Variants in MAGI2 observed in about 807,000 individuals in gnomAD.
The protein encoded by MAGI2 is membrane-associated guanylate kinase, WW and PDZ domain-containing protein 2.
A neutral mutation model predicts 133.3 loss-of-function variants in MAGI2; 35 were observed. The ratio of observed to expected loss-of-function variants is 0.26; its 90% CI spans 0.20 to 0.35. The LOEUF is 0.35. Ranked by LOEUF, MAGI2 falls within the 10% of genes least tolerant of loss-of-function variation. The pLI, the probability that MAGI2 is intolerant of heterozygous loss-of-function variation, is 1.00. For synonymous variants in MAGI2, 729 were observed against 710.6 expected (o/e 1.03, Z -0.41); for missense variants, 1,636 against 1,863.4 (o/e 0.88, Z 2.25).
Position 79,161,397 on chromosome 7 carries a change from G to T in MAGI2, c.302-154191C>A, listed in dbSNP as rs1017391373. Among the ~76,000 whole-genome samples the T allele has an allele frequency of 1.3e-4, 20 of 152,072 alleles. No individual in the cohort carries two copies. The East Asian group carries it at 3.9e-3, about 29-fold the overall frequency. On this transcript the variant is annotated intron_variant, in intron 1 of 21. Transcript: ENST00000354212. Reference sequence around the variant, plus strand: ...TTGGGGCTGATGCCAAAAATAAACTGTACTTTTCGATAACAATGACTGAAC... The same window carrying T: ...TTGGGGCTGATGCCAAAAATAAACTTTACTTTTCGATAACAATGACTGAAC...
intron 1 of MAGI2, among the ~76,000 whole-genome samples, chr7:79,039,536 T>C (rs1464855686): frequency 6.6e-6 from 1 of 151,912 alleles, no homozygotes; most frequent in Non-Finnish European, 1.5e-5. Context: ...AAAGCTTCTG[T>C]ATAGCTAGGG....
At chr7:79,333,872 C>A (rs1840253636) in intron 1 of MAGI2, among the ~76,000 whole-genome samples, 1 of 152,238 alleles carries the variant, frequency 6.6e-6, no homozygotes, top group South Asian at 2.1e-4. Context: ...TCACTGTATT[C>A]TTCTAGGAAT....
At chr7:79,393,017 T>C (rs1339079938) in intron 1 of MAGI2, among the ~76,000 whole-genome samples, 4 of 152,182 alleles carry the variant, frequency 2.6e-5, no homozygotes, top group African/African-American at 9.7e-5. Flanking sequence ...TGAACTAAAG[T>C]AGAAAAATGA....
intron 1 of MAGI2, among the ~76,000 whole-genome samples, chr7:79,113,372 T>C (rs2129544072): frequency 6.6e-6 from 1 of 152,346 alleles, no homozygotes; most frequent in South Asian, 2.1e-4. Context: ...ATTCATCATT[T>C]ATTTGGTGCA....
At chr7:78,861,064 T>G (rs1301074833) in intron 2 of MAGI2, among the ~76,000 whole-genome samples, 1 of 152,158 alleles carries the variant, frequency 6.6e-6, no homozygotes, top group Non-Finnish European at 1.5e-5. Flanking sequence ...TATAATCTCC[T>G]GGTGTGCCGT....
chr7:78,727,575 CTTATT>C (rs1442059196), intron 2 of MAGI2, among the ~76,000 whole-genome samples: 3 of 151,924 alleles, frequency 2.0e-5, no homozygotes, highest in Non-Finnish European at 2.9e-5. Context: ...GAACTACATT[CTTATT>C]TTAAGATCCA....
In MAGI2 at chr7:78,561,137, A is replaced by C. The variant is rs1340160579; in HGVS notation, c.539-39492T>G. On this transcript the variant is annotated intron_variant, in intron 3 of 21. Transcript: ENST00000354212. ...AACACACACGTGTCAGGATTAATAG[A>C]AGGAAAAGAGACAAGAAGCAGACAA... Among the ~76,000 whole-genome samples the C allele has an allele frequency of 3.3e-5, 5 of 152,166 alleles. 1 individual carries two copies. Among genetic ancestry groups the C allele is most frequent in the African/African-American group, 1.2e-4 (5 of 41,448 alleles).
intron 21 of MAGI2, among the ~76,000 whole-genome samples, chr7:78,024,988 C>T (rs1189305161): frequency 6.6e-6 from 1 of 152,196 alleles, no homozygotes; most frequent in Non-Finnish European, 1.5e-5. Flanking sequence ...TTAGATCATG[C>T]CATTCCCTTG....
chr7:78,263,286 G>A (rs2150966835), intron 9 of MAGI2, among the ~76,000 whole-genome samples: 1 of 152,186 alleles, frequency 6.6e-6, no homozygotes, highest in East Asian at 1.9e-4. Context: ...ACATATGAGT[G>A]CATGTGTCTT....
At chr7:78,154,263 A>G (rs1824169336) in intron 16 of MAGI2, among the ~76,000 whole-genome samples, 1 of 152,254 alleles carries the variant, frequency 6.6e-6, no homozygotes, top group Non-Finnish European at 1.5e-5. Context: ...TTCCCTGAGC[A>G]TCAGATTGCA....
intron 2 of MAGI2, among the ~76,000 whole-genome samples, chr7:78,652,503 C>T (rs561512649): frequency 2.0e-5 from 3 of 152,168 alleles, no homozygotes; most frequent in Non-Finnish European, 4.4e-5. Context: ...CCTTGACAAA[C>T]CTGACAAAAG....
intron 2 of MAGI2, among the ~76,000 whole-genome samples, chr7:78,936,300 A>T (rs1800511986): frequency 6.6e-6 from 1 of 152,010 alleles, no homozygotes; most frequent in Admixed American, 6.6e-5. Context: ...AGCATTTTGT[A>T]TGTATTAACT....
rs140109485 is a variant in MAGI2, at chr7:78,215,634, C to T, written c.2048-14441G>A. Among the ~76,000 whole-genome samples, 339 of 152,228 alleles carry T rather than the reference C, an allele frequency of 2.2e-3. 1 individual carries two copies. The highest frequency in any genetic ancestry group is 7.8e-3 in the African/African-American group (324 of 41,534). On this transcript the variant is annotated intron_variant, in intron 10 of 21. Transcript: ENST00000354212. Reference sequence around the variant, plus strand: ...TTTTGCCAACTCTGATCAACTGCTGCCTGGAGTGCTGTGGTGGGGATTCTC... The same window carrying T: ...TTTTGCCAACTCTGATCAACTGCTGTCTGGAGTGCTGTGGTGGGGATTCTC...
chr7:79,040,175 A>T (rs971609877), intron 1 of MAGI2, among the ~76,000 whole-genome samples: 2 of 151,332 alleles, frequency 1.3e-5, no homozygotes, highest in African/African-American at 4.9e-5. Flanking sequence ...TTCTCATAGT[A>T]TCTGATGGTT....
At chr7:78,991,757 C>A (rs1805810006) in intron 2 of MAGI2, among the ~76,000 whole-genome samples, 1 of 152,010 alleles carries the variant, frequency 6.6e-6, no homozygotes, top group East Asian at 1.9e-4. Flanking sequence ...AGCTATGGAT[C>A]CATTTTTCTC....
chr7:78,441,024 G>A (rs1787569048), intron 6 of MAGI2, among the ~76,000 whole-genome samples: 1 of 152,172 alleles, frequency 6.6e-6, no homozygotes, highest in Non-Finnish European at 1.5e-5. Flanking sequence ...ATACATGGAT[G>A]TGGGACTTGA....
chr7:78,892,338 C>T (rs1796835697), intron 2 of MAGI2, among the ~76,000 whole-genome samples: 1 of 152,152 alleles, frequency 6.6e-6, no homozygotes, highest in South Asian at 2.1e-4. Flanking sequence ...CCATCCCCAT[C>T]AAGCCACCAA....
intron 21 of MAGI2, among the ~76,000 whole-genome samples, chr7:78,059,777 A>ATATATATTTT (rs368179491): frequency 4.8e-5 from 7 of 146,140 alleles, no homozygotes; most frequent in South Asian, 2.2e-4. Flanking sequence ...ATATATATAT[A>ATATATATTTT]TTTTTTTTCT....
intron 1 of MAGI2, among the ~76,000 whole-genome samples, chr7:79,012,766 G>A (rs1405708493): frequency 1.1e-5 from 1 of 89,130 alleles, no homozygotes; most frequent in Non-Finnish European, 2.3e-5. Flanking sequence ...GTTACTTAAA[G>A]CTGCTATAAC....
Sources: allele counts gnomAD v4.1 joint callset (sites outside exome capture counted in the v4.1 genomes callset), GRCh38; gene constraint gnomAD v4.1.1; transcripts MANE v1.5; gene names NCBI Gene and HGNC (gene_info 2026-07-23, HGNC 2026-07-21).